INTS15: variants seen among roughly 807,000 people sequenced by gnomAD.
INTS15 encodes the protein integrator complex subunit 15.
chr7:6,602,651 C>A, the INTS15 span: 1 of 470,848 alleles, frequency 2.1e-6, no homozygotes, highest in Non-Finnish European at 4.4e-6. Flanking sequence ...TGATACTGTT[C>A]CCTGACTCAC....
chr7:6,600,055 C>T, the INTS15 span: 1 of 1,614,236 alleles, frequency 6.2e-7, no homozygotes, highest in East Asian at 2.2e-5. Flanking sequence ...ATGTCAGCAA[C>T]AAGGTCACAA....
the INTS15 span, among the ~76,000 whole-genome samples, chr7:6,595,316 C>G: frequency 6.6e-6 from 1 of 152,252 alleles, no homozygotes; most frequent in South Asian, 2.1e-4. Context: ...GTTTGCAACA[C>G]CATGTCTGGC....
the INTS15 span, among the ~76,000 whole-genome samples, chr7:6,606,224 G>T: frequency 3.5e-4 from 54 of 152,184 alleles, no homozygotes; most frequent in African/African-American, 1.1e-3. Context: ...AAGAAAGGGG[G>T]CTCAGAAGAA....
At chr7:6,605,583 C>T in the INTS15 span, among the ~76,000 whole-genome samples, 3 of 152,292 alleles carry the variant, frequency 2.0e-5, no homozygotes, top group East Asian at 5.8e-4. Context: ...CCATCCCTTC[C>T]AAGGAGCTGG....
At chr7:6,596,768 G>A in the INTS15 span, among the ~76,000 whole-genome samples, 2 of 151,646 alleles carry the variant, frequency 1.3e-5, no homozygotes, top group East Asian at 3.9e-4. Flanking sequence ...ATATTCGTAC[G>A]CTAATTTCTT....
At chr7:6,602,656 A>G in the INTS15 span, 1 of 470,516 alleles carries the variant, frequency 2.1e-6, no homozygotes, top group African/African-American at 2.0e-5. Flanking sequence ...CTGTTCCCTG[A>G]CTCACAGGAC....
chr7:6,607,746 A>G, the INTS15 span: 5 of 1,497,714 alleles, frequency 3.3e-6, no homozygotes, highest in Non-Finnish European at 4.4e-6. This position sits in a 1 kb window ranked among gnomAD's most constrained non-coding sequence, Gnocchi z 6.0. Flanking sequence ...CGTGGGCCAC[A>G]GGCCCCGTGC....
chr7:6,591,721 G>T, the INTS15 span: 1 of 1,614,160 alleles, frequency 6.2e-7, no homozygotes, highest in Non-Finnish European at 8.5e-7. Context: ...CAAGGACTCT[G>T]TTCGGCAGAT....
chr7:6,595,017 C>T, the INTS15 span, among the ~76,000 whole-genome samples: 11 of 151,750 alleles, frequency 7.2e-5, no homozygotes, highest in African/African-American at 1.5e-4. Context: ...TGTGCACCAC[C>T]GTGCCCAGCT....
At chr7:6,594,308 AT>A in the INTS15 span, 1 of 961,738 alleles carries the variant, frequency 1.0e-6, no homozygotes, top group Non-Finnish European at 1.6e-6. Context: ...ACTCGGCCCC[AT>A]TAACATCTTT....
the INTS15 span, among the ~76,000 whole-genome samples, chr7:6,603,625 G>A: frequency 6.6e-6 from 1 of 151,704 alleles, no homozygotes; most frequent in Non-Finnish European, 1.5e-5. Flanking sequence ...GATCACCTGA[G>A]GTCAGGAGTT....
chr7:6,598,724 G>A, the INTS15 span, among the ~76,000 whole-genome samples: 2 of 131,674 alleles, frequency 1.5e-5, no homozygotes, highest in Admixed American at 1.7e-4. Context: ...GTCAGATCTG[G>A]GCTGTATGCT....
the INTS15 span, among the ~76,000 whole-genome samples, chr7:6,598,788 T>TGTGTGTA: frequency 7.7e-5 from 3 of 39,200 alleles, no homozygotes; most frequent in East Asian, 1.2e-3. Flanking sequence ...TGTGTGTGTA[T>TGTGTGTA]TTTTTTTTTT....
chr7:6,597,914 C>T, the INTS15 span, among the ~76,000 whole-genome samples: 1 of 152,190 alleles, frequency 6.6e-6, no homozygotes, highest in Non-Finnish European at 1.5e-5. Context: ...AAGATACCCA[C>T]ATAATTATAT....
At chr7:6,605,005 T>C in the INTS15 span, among the ~76,000 whole-genome samples, 1 of 152,106 alleles carries the variant, frequency 6.6e-6, no homozygotes, top group African/African-American at 2.4e-5. Flanking sequence ...TTTGTTTTGT[T>C]TTTTTGAGAC....
At chr7:6,592,531 C>T in the INTS15 span, among the ~76,000 whole-genome samples, 1 of 151,598 alleles carries the variant, frequency 6.6e-6, no homozygotes, top group Admixed American at 6.6e-5. Context: ...TGTGTCACTG[C>T]ACTCCAGCCT....
chr7:6,595,641 A>G, the INTS15 span, among the ~76,000 whole-genome samples: 1 of 152,200 alleles, frequency 6.6e-6, no homozygotes, highest in Non-Finnish European at 1.5e-5. Flanking sequence ...CTCCCTGGAC[A>G]TATGACTTGA....
At chr7:6,590,610 G>A in the INTS15 span, 1 of 1,391,964 alleles carries the variant, frequency 7.2e-7, no homozygotes, top group Non-Finnish European at 9.3e-7. Flanking sequence ...CCTCGCTCCT[G>A]CAGCAGCCCC....
chr7:6,595,913 A>C, the INTS15 span, among the ~76,000 whole-genome samples: 7 of 152,246 alleles, frequency 4.6e-5, no homozygotes, highest in African/African-American at 1.7e-4. Flanking sequence ...GTTGCTGCTC[A>C]CAGGGCTGAC....
Sources: gnomAD v4.1 joint callset for allele counts (sites outside exome capture counted in the v4.1 genomes callset) on GRCh38, gnomAD v4.1.1 for gene constraint, Gnocchi (gnomAD v3.1) non-coding constraint, MANE v1.5 for transcripts, NCBI Gene and HGNC (gene_info 2026-07-23, HGNC 2026-07-21) for gene names.